Variants in PCDHGA9 observed in about 807,000 individuals in gnomAD.
PCDHGA9 encodes protocadherin gamma subfamily A, 9.
In PCDHGA9, 37 loss-of-function variants were observed where a neutral mutation model predicts 62.5. The observed-to-expected ratio is 0.59, with a 90% CI of 0.46 to 0.78. The LOEUF (loss-of-function observed/expected upper bound fraction) is 0.78, where lower values mean the gene tolerates loss of function less well. Among genes scored for constraint, PCDHGA9 ranks in the 30% least tolerant of loss-of-function variants. PCDHGA9 has a pLI of 0.00. For missense variants in PCDHGA9, 1,138 were observed against 1,166.2 expected, an observed-to-expected ratio of 0.98 and a Z score of 0.35; for synonymous variants, 459 against 484.6, an observed-to-expected ratio of 0.95 and a Z score of 0.69.
At position 141,432,003 on chromosome 5, in the gene PCDHGA9, T is replaced by A; in HGVS notation, c.2424+26627T>A. On this transcript the variant is annotated intron_variant, in intron 1 of 3. Coordinates refer to ENST00000573521, the MANE Select transcript of PCDHGA9 (RefSeq NM_018921.3). This position sits in a 1 kb window ranked among gnomAD's most constrained non-coding sequence, Gnocchi z 6.0. ...GACATAGTCTTGGATAGGGAACAGG[T>A]TCCTAGCTACAACATCACAGTGACC... The A allele has an allele frequency of 6.2e-7, 1 of 1,614,116 alleles. No individual in the cohort carries two copies.
intron 1 of PCDHGA9, chr5:141,422,768 T>C: frequency 6.2e-7 from 1 of 1,613,824 alleles, no homozygotes. Context: ...AACACTGGTG[T>C]TCTCTATGCC....
intron 1 of PCDHGA9, among the ~76,000 whole-genome samples, chr5:141,468,088 G>T (rs186503104): frequency 6.6e-6 from 1 of 152,186 alleles, no homozygotes; most frequent in East Asian, 1.9e-4. Context: ...ACTTTGGGAG[G>T]TTGAGGCAGG....
chr5:141,409,033 A>T, intron 1 of PCDHGA9: 1 of 1,614,028 alleles, frequency 6.2e-7, no homozygotes, highest in Non-Finnish European at 8.5e-7. Context: ...ATGCTGAGAT[A>T]AACTACTACT....
intron 1 of PCDHGA9, chr5:141,422,951 G>C (rs1382138030): frequency 3.7e-6 from 6 of 1,614,236 alleles, no homozygotes; most frequent in South Asian, 3.3e-5. Flanking sequence ...GGCTCCACTG[G>C]CGTGGAGCTG....
At chr5:141,492,312 C>T (rs1470136040) in intron 1 of PCDHGA9, among the ~76,000 whole-genome samples, 2 of 152,348 alleles carry the variant, frequency 1.3e-5, no homozygotes, top group African/African-American at 4.8e-5. Flanking sequence ...CGCACGCACT[C>T]CTCGCACGTG....
At chr5:141,415,359 G>C in intron 1 of PCDHGA9, 2 of 1,614,246 alleles carry the variant, frequency 1.2e-6, no homozygotes, top group Non-Finnish European at 1.7e-6. Flanking sequence ...AGTCACGCCT[G>C]CTGCAGGCTT....
rs1005709757 is a variant in PCDHGA9 at position 141,495,051 on chromosome 5, A to G, written c.2483+186A>G. Among the ~76,000 whole-genome samples, 3 of 152,042 alleles carry G rather than the reference A, an allele frequency of 2.0e-5. No homozygotes were observed. In the East Asian group the frequency reaches 5.8e-4, roughly 29 times the overall value. On this transcript the variant is annotated intron_variant, in intron 2 of 3. Transcript: ENST00000573521. ...CCGGAAGGAAGAGGCGACTGCCCTG[A>G]CTGTTCAGGAAGCTCAATTCACATG... is the stretch of plus-strand genomic sequence containing the variant.
At chr5:141,469,425 C>T (rs1035406646) in intron 1 of PCDHGA9, among the ~76,000 whole-genome samples, 1 of 151,622 alleles carries the variant, frequency 6.6e-6, no homozygotes, top group East Asian at 1.9e-4. Context: ...AAATATAAAA[C>T]TTAGCTGGGC....
At chr5:141,470,037 G>C (rs76537989) in intron 1 of PCDHGA9, among the ~76,000 whole-genome samples, 14 of 152,138 alleles carry the variant, frequency 9.2e-5, no homozygotes, top group Non-Finnish European at 1.5e-4. Flanking sequence ...GCTGAGGCGC[G>C]AGAACTGTTT....
intron 1 of PCDHGA9, among the ~76,000 whole-genome samples, chr5:141,406,361 T>C (rs2094800900): frequency 6.6e-6 from 1 of 152,194 alleles, no homozygotes; most frequent in African/African-American, 2.4e-5. Flanking sequence ...ACTATGTTTG[T>C]AAGGGTAAAC....
At chr5:141,429,523 A>G (rs1009016050) in intron 1 of PCDHGA9, among the ~76,000 whole-genome samples, 1 of 152,174 alleles carries the variant, frequency 6.6e-6, no homozygotes, top group Non-Finnish European at 1.5e-5. Context: ...CAGAGAAAAA[A>G]GCTTAAAAAA....
rs1390739125 is a variant in PCDHGA9 at position 141,490,094 on chromosome 5, C to T, written c.2425-4713C>T. ...CTAGACTATTCTTTTGGAGACCACA[C>T]ATCTGAGGCAGTGCGGAACCTCTTT... On this transcript the variant is annotated intron_variant, in intron 1 of 3. Coordinates refer to ENST00000573521, the MANE Select transcript of PCDHGA9 (RefSeq NM_018921.3). This position sits in a 1 kb window ranked among gnomAD's most constrained non-coding sequence, Gnocchi z 5.4. 1 of 1,614,250 alleles carries T rather than the reference C, an allele frequency of 6.2e-7. No individual in the cohort carries two copies. The highest frequency in any genetic ancestry group is 2.2e-5 in the East Asian group (1 of 44,888).
chr5:141,443,118 C>A (rs1474257262), intron 1 of PCDHGA9, among the ~76,000 whole-genome samples: 1 of 151,762 alleles, frequency 6.6e-6, no homozygotes, highest in Non-Finnish European at 1.5e-5. Flanking sequence ...GCTTTTCAAA[C>A]CAGATTAAGA....
At chr5:141,446,502 A>G (rs1178198384) in intron 1 of PCDHGA9, among the ~76,000 whole-genome samples, 5 of 150,732 alleles carry the variant, frequency 3.3e-5, no homozygotes, top group Non-Finnish European at 7.4e-5. Context: ...TTTGAGATGG[A>G]GTCTCGCTCT....
Position 141,487,691 on chromosome 5 carries a change from A to T in PCDHGA9, c.2425-7116A>T. On this transcript the variant is annotated intron_variant, in intron 1 of 3. Transcript: ENST00000573521. The surrounding 1 kb of genome is among the most constrained non-coding windows in gnomAD (Gnocchi z 5.0). ...CATATGGCTAGGCCATGTCCTAGAG[A>T]GTACTGGCCTCTCAGTAAGTGCCCA... 6.2e-7 allele frequency: 1 copy of T among 1,604,122 alleles called. No individual in the cohort carries two copies. The highest frequency in any genetic ancestry group is 8.5e-7 in the Non-Finnish European group (1 of 1,174,384).
chr5:141,505,509 G>A (rs778054090), intron 3 of PCDHGA9, 28 bp downstream of exon 3: 1 of 1,613,940 alleles, frequency 6.2e-7, no homozygotes, highest in Non-Finnish European at 8.5e-7. Context: ...GTGTATGGAA[G>A]AGTGGGAGAC....
Position 141,489,748 on chromosome 5 carries a change from T to G in PCDHGA9, c.2425-5059T>G. 6.2e-7 allele frequency: 1 copy of G among 1,614,156 alleles called. No homozygotes were observed. Among genetic ancestry groups the G allele is most frequent in the African/African-American group, 1.3e-5 (1 of 75,054 alleles). On this transcript the variant is annotated intron_variant, in intron 1 of 3. Transcript: ENST00000573521. This position sits in a 1 kb window ranked among gnomAD's most constrained non-coding sequence, Gnocchi z 4.5. ...TGTGGGCACCAATACTGTGAGCTTTTACACTCTAAGCCCCAACAGCCACTT... is the reference window on the plus strand; with the variant it reads ...TGTGGGCACCAATACTGTGAGCTTTGACACTCTAAGCCCCAACAGCCACTT...
chr5:141,419,769 C>A (rs773303779), intron 1 of PCDHGA9: 14 of 1,614,006 alleles, frequency 8.7e-6, no homozygotes, highest in East Asian at 4.5e-5. Context: ...GACAAGGACT[C>A]GGTCCGCCAG....
At chr5:141,427,087 A>G (rs1338132084) in intron 1 of PCDHGA9, 1 of 458,198 alleles carries the variant, frequency 2.2e-6, no homozygotes, top group Non-Finnish European at 4.4e-6. Flanking sequence ...ACTGACCAGG[A>G]TGAGGGTGTC....
Sources: gnomAD v4.1 joint callset for allele counts (sites outside exome capture counted in the v4.1 genomes callset) on GRCh38, gnomAD v4.1.1 for gene constraint, Gnocchi (gnomAD v3.1) non-coding constraint, MANE v1.5 for transcripts, NCBI Gene and HGNC (gene_info 2026-07-23, HGNC 2026-07-21) for gene names.